PCDHGB1: variants seen among roughly 807,000 people sequenced by gnomAD.
The protein encoded by PCDHGB1 is protocadherin gamma-B1.
A neutral mutation model predicts 56.6 loss-of-function variants in PCDHGB1; 34 were observed. The ratio of observed to expected loss-of-function variants is 0.60; its 90% CI spans 0.46 to 0.80. The LOEUF (loss-of-function observed/expected upper bound fraction) is 0.80, where lower values mean the gene tolerates loss of function less well. PCDHGB1 is among the 30% of genes least tolerant of loss of function. PCDHGB1 has a pLI of 0.00. For synonymous variants in PCDHGB1, 561 were observed against 505.9 expected (o/e 1.11, Z -1.46); for missense variants, 1,278 against 1,204.6 (o/e 1.06, Z -0.90).
At chr5:141,419,204 G>A (rs1291977951) in intron 1 of PCDHGB1, 1 of 1,613,798 alleles carries the variant, frequency 6.2e-7, no homozygotes, top group Non-Finnish European at 8.5e-7. Flanking sequence ...CAATGACAAC[G>A]CGCCGGTTTT....
chr5:141,480,719 A>G (rs1455113968), intron 1 of PCDHGB1, among the ~76,000 whole-genome samples: 1 of 152,194 alleles, frequency 6.6e-6, no homozygotes, highest in Non-Finnish European at 1.5e-5. Flanking sequence ...ATGAAAGCAC[A>G]GTCTCTGGGG....
At position 141,431,367 on chromosome 5, in the gene PCDHGB1, A is replaced by G; in HGVS notation, c.2410-63440A>G. 1.2e-6 allele frequency: 2 copies of G among 1,613,984 alleles called. No homozygotes were observed. The highest frequency in any genetic ancestry group is 2.2e-5 in the South Asian group (2 of 91,084). On this transcript the variant is annotated intron_variant, in intron 1 of 3. Coordinates refer to ENST00000523390, the MANE Select transcript of PCDHGB1 (RefSeq NM_018922.3). This position sits in a 1 kb window ranked among gnomAD's most constrained non-coding sequence, Gnocchi z 4.8. ...GTGCTGAAACGCGCCCTGGACCGCGAAGAAAAGGCTGCTCACCACCTGGTC... is the reference window on the plus strand; with the variant it reads ...GTGCTGAAACGCGCCCTGGACCGCGGAGAAAAGGCTGCTCACCACCTGGTC...
chr5:141,355,593 C>A (rs770322971), intron 1 of PCDHGB1: 8 of 1,613,990 alleles, frequency 5.0e-6, no homozygotes, highest in Non-Finnish European at 6.8e-6. Context: ...ATAACCCACC[C>A]AGTTTTGGGA....
Position 141,351,052 on chromosome 5 carries a change from A to G in PCDHGB1, c.792A>G (p.Thr264=). 2 of 1,614,094 alleles carry G rather than the reference A, an allele frequency of 1.2e-6. No homozygotes were observed. The highest frequency in any genetic ancestry group is 1.7e-6 in the Non-Finnish European group (2 of 1,179,912). ...WGTSVLRVMA[T]DQDEGINAEI... is the part of the protein sequence containing the mutation. ...CCTCCGTGCTGCGGGTGATGGCCAC[A>G]GACCAGGATGAGGGCATTAATGCAG... The change falls in exon 1 of 4, where the codon ACA becomes ACG. Residue 264 remains threonine, a synonymous_variant. Transcript: ENST00000523390.
Position 141,490,754 on chromosome 5 carries a change from CCTT to C in PCDHGB1, c.2410-4052_2410-4050del, listed in dbSNP as rs775582875. ...CAGGTTCAGGGAGCCCCAGCCTCCT[CCTT>C]TGTGTATGTCAACCCAGAGGATGGA... On this transcript the variant is annotated intron_variant, in intron 1 of 3. Transcript: ENST00000523390. The surrounding 1 kb of genome is among the most constrained non-coding windows in gnomAD (Gnocchi z 5.4). 3.1e-6 allele frequency: 5 copies of C among 1,614,200 alleles called. No individual in the cohort carries two copies. The highest frequency in any genetic ancestry group is 3.4e-6 in the Non-Finnish European group (4 of 1,180,038).
At chr5:141,371,831 C>T (rs374832321) in intron 1 of PCDHGB1, 1 of 1,613,770 alleles carries the variant, frequency 6.2e-7, no homozygotes, top group Non-Finnish European at 8.5e-7. Context: ...CCTCGGATCC[C>T]GACTTGGGAC....
At chr5:141,395,110 G>A (rs2150602560) in intron 1 of PCDHGB1, 1 of 1,614,214 alleles carries the variant, frequency 6.2e-7, no homozygotes, top group Admixed American at 1.7e-5. Context: ...TCGCGGAAGA[G>A]TCACCTGATC....
chr5:141,487,438 G>A lies in PCDHGB1; in HGVS notation c.2410-7369G>A, dbSNP rs2154580826. 6 of 1,614,174 alleles carry A rather than the reference G, an allele frequency of 3.7e-6. No individual in the cohort carries two copies. Among genetic ancestry groups the A allele is most frequent in the East Asian group, 2.2e-5 (1 of 44,866 alleles). On this transcript the variant is annotated intron_variant, in intron 1 of 3. Transcript: ENST00000523390. This position sits in a 1 kb window ranked among gnomAD's most constrained non-coding sequence, Gnocchi z 5.0. The stretch of plus-strand genomic sequence containing the variant: ...ATGGGATCCTCCGAATCCAGCTAGG[G>A]TCAGATGACCCTATCAAGTTTGTTG...
chr5:141,400,164 C>G (rs1307583379), intron 1 of PCDHGB1: 1 of 1,614,086 alleles, frequency 6.2e-7, no homozygotes, highest in Admixed American at 1.7e-5. Context: ...TACCCTCTGA[C>G]CCCCAGGCTG....
intron 1 of PCDHGB1, among the ~76,000 whole-genome samples, chr5:141,358,690 T>A (rs1760993799): frequency 6.6e-6 from 1 of 152,206 alleles, no homozygotes; most frequent in South Asian, 2.1e-4. Context: ...TATCATGACA[T>A]CACTATTGAG....
rs756709819 is a variant in PCDHGB1, at chr5:141,356,058, C to T, written c.2409+3389C>T. 7 of 1,613,866 alleles carry T rather than the reference C, an allele frequency of 4.3e-6. No individual in the cohort carries two copies. In the Admixed American group the frequency reaches 1.0e-4, roughly 23 times the overall value. On this transcript the variant is annotated intron_variant, in intron 1 of 3. Coordinates refer to ENST00000523390, the MANE Select transcript of PCDHGB1 (RefSeq NM_018922.3). ...CGTATTCTTTCCGGAAAGTAAGAGACAAAATATCACAGCTATTTCAGTTGA... is the reference window on the plus strand; with the variant it reads ...CGTATTCTTTCCGGAAAGTAAGAGATAAAATATCACAGCTATTTCAGTTGA...
chr5:141,436,240 G>A (rs192988618), intron 1 of PCDHGB1, among the ~76,000 whole-genome samples: 2 of 152,200 alleles, frequency 1.3e-5, no homozygotes, highest in East Asian at 3.9e-4. Flanking sequence ...AGCTAACATG[G>A]TCTAATTATT....
At chr5:141,478,478 A>T (rs764926007) in intron 1 of PCDHGB1, 2 of 1,613,740 alleles carry the variant, frequency 1.2e-6, no homozygotes, top group East Asian at 4.5e-5. Flanking sequence ...CCGCCAGAAC[A>T]CGCTGCGGAG....
intron 1 of PCDHGB1, chr5:141,395,272 G>C (rs750503990): frequency 6.5e-7 from 1 of 1,544,348 alleles, no homozygotes; most frequent in Admixed American, 2.1e-5. Context: ...TTAATTTCCA[G>C]ATGAATTTTA....
At chr5:141,408,974 G>T (rs899313364) in intron 1 of PCDHGB1, 1 of 1,613,690 alleles carries the variant, frequency 6.2e-7, no homozygotes, top group South Asian at 1.1e-5. Flanking sequence ...TCTGCCCCCT[G>T]GGTCCCCTGT....
chr5:141,404,948 G>C, intron 1 of PCDHGB1: 2 of 1,613,956 alleles, frequency 1.2e-6, no homozygotes, highest in Non-Finnish European at 1.7e-6. Context: ...AGCCATAGCT[G>C]ACAGCATCCC....
At chr5:141,421,651 A>G in intron 1 of PCDHGB1, 1 of 1,613,868 alleles carries the variant, frequency 6.2e-7, no homozygotes, top group Non-Finnish European at 8.5e-7. Flanking sequence ...AGTGGAGATA[A>G]AAGTCAGTGA....
At chr5:141,362,768 A>G (rs916897514) in intron 1 of PCDHGB1, 6 of 614,256 alleles carry the variant, frequency 9.8e-6, no homozygotes, top group Middle Eastern at 4.4e-4. Context: ...CACATGAGAT[A>G]TTGCACTGTA....
chr5:141,470,452 G>A (rs981528762), intron 1 of PCDHGB1, among the ~76,000 whole-genome samples: 1 of 152,130 alleles, frequency 6.6e-6, no homozygotes, highest in Admixed American at 6.5e-5. Flanking sequence ...ATAGCATCTT[G>A]AATAGGATTT....
Sources: gnomAD v4.1 joint callset for allele counts (sites outside exome capture counted in the v4.1 genomes callset) on GRCh38, gnomAD v4.1.1 for gene constraint, Gnocchi (gnomAD v3.1) non-coding constraint, MANE v1.5 for transcripts, NCBI Gene and HGNC (gene_info 2026-07-23, HGNC 2026-07-21) for gene names.